GIPC2: variants seen among roughly 807,000 people sequenced by gnomAD.
GIPC2 encodes PDZ domain-containing protein GIPC2.
A neutral mutation model predicts 30.6 loss-of-function variants in GIPC2; 30 were observed. The observed-to-expected ratio is 0.98, with a 90% CI of 0.73 to 1.33. The LOEUF is 1.33. Ranked by LOEUF, GIPC2 falls within the 40% of genes most tolerant of loss-of-function variation. The pLI, the probability that GIPC2 is intolerant of heterozygous loss-of-function variation, is 0.00. For synonymous variants in GIPC2, 167 were observed against 150.0 expected (o/e 1.11, Z -0.83); for missense variants, 414 against 390.3 (o/e 1.06, Z -0.51).
At chr1:78,113,237 GA>G (rs761886831) in intron 3 of GIPC2, among the ~76,000 whole-genome samples, 4 of 151,996 alleles carry the variant, frequency 2.6e-5, no homozygotes, top group Non-Finnish European at 5.9e-5. Flanking sequence ...ACAGATATGT[GA>G]AATGATGGCT....
At chr1:78,107,165 G>GCTCC (rs1157528847) in intron 3 of GIPC2, among the ~76,000 whole-genome samples, 1 of 144,164 alleles carries the variant, frequency 6.9e-6, no homozygotes, top group South Asian at 2.2e-4. Flanking sequence ...TCTCCCCCTT[G>GCTCC]CTCCCTCCCT....
At chr1:78,122,488 G>A (rs576706058) in intron 4 of GIPC2, among the ~76,000 whole-genome samples, 1 of 152,312 alleles carries the variant, frequency 6.6e-6, no homozygotes, top group African/African-American at 2.4e-5. Flanking sequence ...GAAACTTACA[G>A]TCATGGCAGA....
At chr1:78,126,447 C>T (rs1055006554) in intron 5 of GIPC2, among the ~76,000 whole-genome samples, 4 of 151,928 alleles carry the variant, frequency 2.6e-5, no homozygotes, top group South Asian at 4.2e-4. Flanking sequence ...TTTCTTATGT[C>T]ATCATTAGGC....
intron 2 of GIPC2, among the ~76,000 whole-genome samples, chr1:78,085,553 CTTT>C (rs761359001): frequency 7.6e-6 from 1 of 131,380 alleles, no homozygotes. Context: ...AGGTTCTAGG[CTTT>C]TTTTTTTTTT....
upstream of GIPC2, chr1:78,045,688 C>G: frequency 1.0e-6 from 1 of 985,470 alleles, no homozygotes; most frequent in Non-Finnish European, 1.2e-6. Context: ...GACCCGAAGG[C>G]CTGTGGCCAA....
At chr1:78,129,569 A>G (rs532252713) in intron 5 of GIPC2, among the ~76,000 whole-genome samples, 39 of 152,352 alleles carry the variant, frequency 2.6e-4, no homozygotes, top group African/African-American at 8.9e-4. Context: ...AATTTAAATG[A>G]ATTTTTGTAG....
At chr1:78,083,643 TG>T (rs1202101984) in intron 2 of GIPC2, among the ~76,000 whole-genome samples, 1 of 152,228 alleles carries the variant, frequency 6.6e-6, no homozygotes, top group East Asian at 1.9e-4. Context: ...ACTCCTTATA[TG>T]TTTCTCTGAA....
At chr1:78,077,113 A>G (rs1296556219) in intron 1 of GIPC2, among the ~76,000 whole-genome samples, 2 of 152,212 alleles carry the variant, frequency 1.3e-5, no homozygotes, top group African/African-American at 4.8e-5. Flanking sequence ...GAACTGCCCA[A>G]TGTTGTAACC....
At chr1:78,098,144 A>G (rs1662173534) in intron 3 of GIPC2, among the ~76,000 whole-genome samples, 1 of 152,270 alleles carries the variant, frequency 6.6e-6, no homozygotes, top group Non-Finnish European at 1.5e-5. Context: ...GTCTGGGAGT[A>G]TTGGAATGGA....
chr1:78,105,380 G>A (rs1285717361), intron 3 of GIPC2, among the ~76,000 whole-genome samples: 1 of 151,004 alleles, frequency 6.6e-6, no homozygotes, highest in East Asian at 1.9e-4. Context: ...TCCGCCTCCT[G>A]GGTTCAAGCC....
At chr1:78,127,525 G>A (rs1662804032) in intron 5 of GIPC2, among the ~76,000 whole-genome samples, 1 of 152,240 alleles carries the variant, frequency 6.6e-6, no homozygotes, top group Non-Finnish European at 1.5e-5. Flanking sequence ...TGGAAGGTCA[G>A]ATAAACAACT....
chr1:78,091,910 A>G (rs540942926), intron 2 of GIPC2: 5 of 819,516 alleles, frequency 6.1e-6, no homozygotes, highest in Non-Finnish European at 1.1e-5. Context: ...AACATTTTCC[A>G]TTTTCTATTA....
At chr1:78,107,205 G>C (rs1439579541) in intron 3 of GIPC2, among the ~76,000 whole-genome samples, 1 of 151,700 alleles carries the variant, frequency 6.6e-6, no homozygotes, top group Non-Finnish European at 1.5e-5. Context: ...CTCTCTGAGG[G>C]TGGAGTGCAG....
chr1:78,110,178 A>G (rs1662440597), intron 3 of GIPC2, among the ~76,000 whole-genome samples: 1 of 151,532 alleles, frequency 6.6e-6, no homozygotes, highest in African/African-American at 2.4e-5. Flanking sequence ...TAAAACTTAA[A>G]GTAAAAAAAA....
chr1:78,077,527 G>A (rs1211231463), intron 1 of GIPC2, among the ~76,000 whole-genome samples: 1 of 152,160 alleles, frequency 6.6e-6, no homozygotes, highest in Non-Finnish European at 1.5e-5. Flanking sequence ...ATTGTACAAT[G>A]AAAAACATCA....
At chr1:78,122,459 C>A (rs1265787609) in intron 4 of GIPC2, among the ~76,000 whole-genome samples, 1 of 152,184 alleles carries the variant, frequency 6.6e-6, no homozygotes, top group East Asian at 1.9e-4. Context: ...CACATTTCCG[C>A]ATGGCTGGGA....
At chr1:78,074,684 C>T (rs1341158724) in intron 1 of GIPC2, among the ~76,000 whole-genome samples, 1 of 152,178 alleles carries the variant, frequency 6.6e-6, no homozygotes, top group African/African-American at 2.4e-5. Context: ...TTATTTTCAT[C>T]TCTTACGTTT....
chr1:78,124,156 G>A (rs959369608), intron 4 of GIPC2, among the ~76,000 whole-genome samples: 2 of 152,084 alleles, frequency 1.3e-5, no homozygotes, highest in Admixed American at 6.5e-5. Flanking sequence ...TTTCAGCTAT[G>A]ATGCCATTTA....
chr1:78,059,159 A>G (rs1661348861), intron 1 of GIPC2, among the ~76,000 whole-genome samples: 1 of 152,200 alleles, frequency 6.6e-6, no homozygotes, highest in South Asian at 2.1e-4. Flanking sequence ...GATTTTGACT[A>G]GGGCCTGAGA....
Sources: allele counts gnomAD v4.1 joint callset (sites outside exome capture counted in the v4.1 genomes callset), GRCh38; gene constraint gnomAD v4.1.1; transcripts MANE v1.5; gene names NCBI Gene and HGNC (gene_info 2026-07-23, HGNC 2026-07-21).